The following KDM2B variants were observed in gnomAD, a reference collection of about 807,000 sequenced individuals.
KDM2B encodes lysine-specific demethylase 2B.
A neutral mutation model predicts 150.0 loss-of-function variants in KDM2B; 26 were observed. The observed-to-expected ratio is 0.17, with a 90% confidence interval of 0.13 to 0.24. KDM2B has a LOEUF of 0.24. Among genes scored for constraint, KDM2B ranks in the 10% least tolerant of loss-of-function variants. The pLI is 1.00. For synonymous variants in KDM2B, 734 were observed against 729.5 expected (o/e 1.01, Z -0.10); for missense variants, 1,265 against 1,816.9 (o/e 0.70, Z 5.52).
chr12:121,451,397 T>C (rs1555291625), intron 13 of KDM2B, among the ~76,000 whole-genome samples: 1 of 152,154 alleles, frequency 6.6e-6, no homozygotes, highest in Admixed American at 6.5e-5. Flanking sequence ...GGGCTAACAG[T>C]AGTTAAGTTT....
At chr12:121,449,235 C>T (rs1210098787) in intron 13 of KDM2B, among the ~76,000 whole-genome samples, 6 of 151,962 alleles carry the variant, frequency 3.9e-5, no homozygotes, top group Non-Finnish European at 7.4e-5. Context: ...AGCATGACAT[C>T]GGCATGACAC....
chr12:121,490,643 A>G (rs1445523512), intron 12 of KDM2B, among the ~76,000 whole-genome samples: 1 of 152,150 alleles, frequency 6.6e-6, no homozygotes, highest in African/African-American at 2.4e-5. Flanking sequence ...GGCCCCCACC[A>G]TCCTGCCCGT....
intron 12 of KDM2B, among the ~76,000 whole-genome samples, chr12:121,459,524 C>T (rs1009944235): frequency 4.6e-5 from 7 of 152,110 alleles, no homozygotes; most frequent in African/African-American, 1.2e-4. Context: ...AAGATAAATT[C>T]GACTTCATCA....
downstream of KDM2B, among the ~76,000 whole-genome samples, chr12:121,428,775 C>CT (rs1189692828): frequency 6.6e-6 from 1 of 152,170 alleles, no homozygotes; most frequent in Non-Finnish European, 1.5e-5. Context: ...CAAGTGTTTC[C>CT]TACAGCCACC....
intron 21 of KDM2B, 150 bp downstream of exon 21, chr12:121,440,666 C>T (rs868983126): frequency 4.0e-6 from 3 of 748,302 alleles, no homozygotes; most frequent in Non-Finnish European, 6.4e-6. Context: ...CTCCCAGATC[C>T]CCTCTGTGCC....
At chr12:121,492,543 A>T (rs1883472670) in intron 12 of KDM2B, among the ~76,000 whole-genome samples, 1 of 151,980 alleles carries the variant, frequency 6.6e-6, no homozygotes, top group African/African-American at 2.4e-5. Flanking sequence ...CCTGACCTCA[A>T]GTGATCTGCC....
Position 121,444,121 on chromosome 12 carries a change from T to G in KDM2B, c.2342A>C (p.His781Pro). The change falls in exon 16 of 23, where the codon CAC (histidine) becomes CCC (proline). Residue 781 changes from histidine (H) to proline (P), a missense_variant. His to Pro is a moderately conservative substitution (Grantham distance 77). This residue lies in a region of KDM2B where 418 missense variants were observed against 402.4 expected (regional missense o/e 1.04). Transcript: ENST00000377071. ...EEAPRRRSDE[H>P]SKKVPPDGLL... ...GCCGTCCGGCGGCACCTTCTTCGAG[T>G]GCTCATCCGACCTGCGCCGGGGCGC... is the stretch of plus-strand genomic sequence containing the variant. 3 of 1,613,470 alleles carry G rather than the reference T, an allele frequency of 1.9e-6. No homozygotes were observed. The highest frequency in any genetic ancestry group is 2.5e-6 in the Non-Finnish European group (3 of 1,180,046).
intron 11 of KDM2B, among the ~76,000 whole-genome samples, chr12:121,502,606 G>C (rs1884671442): frequency 6.6e-6 from 1 of 151,564 alleles, no homozygotes; most frequent in Non-Finnish European, 1.5e-5. Flanking sequence ...GGGCAACAGA[G>C]AGAGACTCGG....
chr12:121,500,057 C>G (rs1884382071), intron 11 of KDM2B, among the ~76,000 whole-genome samples: 1 of 152,072 alleles, frequency 6.6e-6, no homozygotes, highest in South Asian at 2.1e-4. Flanking sequence ...GTGTGTGGCC[C>G]CCCTGCGGCC....
intron 12 of KDM2B, among the ~76,000 whole-genome samples, chr12:121,491,790 T>A (rs1414910964): frequency 1.2e-4 from 12 of 103,438 alleles, no homozygotes; most frequent in African/African-American, 4.4e-4. Context: ...CAAGATTCCA[T>A]CTCAAAAAAA....
chr12:121,563,616 TCAAAACAAAA>T (rs1274503159), intron 4 of KDM2B, among the ~76,000 whole-genome samples: 2 of 130,304 alleles, frequency 1.5e-5, no homozygotes, highest in African/African-American at 2.9e-5. Flanking sequence ...AAAAAAAAAG[TCAAAACAAAA>T]CAAAACAAAA....
At chr12:121,418,189 A>G in the KDM2B span, 7 of 389,300 alleles carry the variant, frequency 1.8e-5, no homozygotes, top group African/African-American at 1.4e-4. Flanking sequence ...GTTAGACACT[A>G]ACTGTTGAAG....
chr12:121,415,632 T>TTAAA, the KDM2B span, among the ~76,000 whole-genome samples: 1 of 151,986 alleles, frequency 6.6e-6, no homozygotes, highest in Non-Finnish European at 1.5e-5. Context: ...TAAATTTATT[T>TTAAA]TAAATAAATA....
chr12:121,529,805 C>G (rs1887474789), intron 8 of KDM2B, among the ~76,000 whole-genome samples: 1 of 151,736 alleles, frequency 6.6e-6, no homozygotes, highest in Non-Finnish European at 1.5e-5. Context: ...TGGCGTGTAC[C>G]TGTAATCTCA....
chr12:121,548,792 G>T, intron 6 of KDM2B, 85 bp downstream of exon 6: 2 of 988,610 alleles, frequency 2.0e-6, no homozygotes, highest in Non-Finnish European at 3.2e-6. Context: ...TTCACTGATG[G>T]CCAGGAGCCT....
At chr12:121,436,876 G>A (rs1874090509) in intron 22 of KDM2B, among the ~76,000 whole-genome samples, 1 of 152,224 alleles carries the variant, frequency 6.6e-6, no homozygotes, top group Non-Finnish European at 1.5e-5. Flanking sequence ...GCCTCTGGAA[G>A]GCAGAAGATG....
intron 1 of KDM2B, 82 bp from the exon 2 acceptor site, chr12:121,579,028 G>A: frequency 5.4e-6 from 8 of 1,471,374 alleles, no homozygotes; most frequent in South Asian, 1.2e-5. Flanking sequence ...AGCACTAACA[G>A]GTGCAGCAGC....
At chr12:121,530,069 A>T (rs1887520864) in intron 8 of KDM2B, among the ~76,000 whole-genome samples, 1 of 151,316 alleles carries the variant, frequency 6.6e-6, no homozygotes, top group Admixed American at 6.6e-5. Context: ...TCTACTAAAA[A>T]CACAAAAAAT....
At chr12:121,536,672 T>TC (rs1555308779) in intron 6 of KDM2B, among the ~76,000 whole-genome samples, 199 of 152,114 alleles carry the variant, frequency 1.3e-3, no homozygotes, top group African/African-American at 4.5e-3. Context: ...TTTTTTTTTT[T>TC]TTTCTTTTTT....
Sources: allele counts gnomAD v4.1 joint callset (sites outside exome capture counted in the v4.1 genomes callset), GRCh38; gene constraint gnomAD v4.1.1; regional missense constraint gnomAD v4.1.1; transcripts MANE v1.5; gene names NCBI Gene and HGNC (gene_info 2026-07-23, HGNC 2026-07-21).